The following LANCL1 variants were observed in gnomAD, a reference collection of about 807,000 sequenced individuals.
LANCL1 encodes the protein LanC like glutathione S-transferase 1, also known as glutathione S-transferase LANCL1.
In LANCL1, 50 loss-of-function variants were observed where a neutral mutation model predicts 50.6. The ratio of observed to expected loss-of-function variants is 0.99; its 90% CI spans 0.79 to 1.25. LANCL1 has a LOEUF of 1.25. Ranked by LOEUF, LANCL1 falls within the 50% of genes most tolerant of loss-of-function variation. The pLI is 0.00. For missense variants in LANCL1, 532 were observed against 480.7 expected (o/e 1.11, Z -1.00); for synonymous variants, 188 against 178.6 (o/e 1.05, Z -0.42).
intron 3 of LANCL1, among the ~76,000 whole-genome samples, chr2:210,455,810 G>A (rs376468560): frequency 7.9e-6 from 1 of 125,976 alleles, no homozygotes; most frequent in South Asian, 2.6e-4. Flanking sequence ...GTGTGTGTGT[G>A]TTTTTTTTTT....
chr2:210,439,291 C>T (rs1412817223), intron 6 of LANCL1, among the ~76,000 whole-genome samples: 1 of 152,168 alleles, frequency 6.6e-6, no homozygotes, highest in Non-Finnish European at 1.5e-5. Context: ...CTTACTACAG[C>T]TAACACAAGG....
At chr2:210,476,861 A>C (rs1201267818), upstream of LANCL1, 3 of 971,038 alleles carry the variant, frequency 3.1e-6, no homozygotes, top group Admixed American at 5.8e-5. Flanking sequence ...GTAATTTCTA[A>C]AGGATAACGC....
chr2:210,436,412 A>G lies in LANCL1; in HGVS notation c.874-20T>C, dbSNP rs569300256. On this transcript the variant is annotated intron_variant, in intron 7 of 9. Transcript: ENST00000450366. Reference sequence around the variant, plus strand: ...GAATACCTGCAGAGGCAAAGGACACATTTTATTATACGGGATATAAAAGAA... The same window carrying G: ...GAATACCTGCAGAGGCAAAGGACACGTTTTATTATACGGGATATAAAAGAA... 1.9e-6 allele frequency: 3 copies of G among 1,609,756 alleles called. No individual in the cohort carries two copies. The highest frequency in any genetic ancestry group is 1.7e-6 in the Non-Finnish European group (2 of 1,176,604).
intron 3 of LANCL1, among the ~76,000 whole-genome samples, chr2:210,463,729 G>C (rs966655958): frequency 1.3e-5 from 2 of 152,212 alleles, no homozygotes; most frequent in African/African-American, 4.8e-5. Flanking sequence ...GAGCATGAGA[G>C]AGACCAGAGG....
chr2:210,468,147 C>T (rs1694123724), intron 3 of LANCL1: 1 of 151,138 alleles, frequency 6.6e-6, no homozygotes, highest in African/African-American at 2.4e-5. Flanking sequence ...ATAATACTTA[C>T]TTTCTGTGGC....
intron 3 of LANCL1, among the ~76,000 whole-genome samples, chr2:210,465,532 A>G (rs1694026385): frequency 6.6e-6 from 1 of 152,250 alleles, no homozygotes; most frequent in South Asian, 2.1e-4. Context: ...TTACAGCAGC[A>G]GGCACAAAAA....
At chr2:210,463,581 T>C (rs1230035173) in intron 3 of LANCL1, among the ~76,000 whole-genome samples, 1 of 152,256 alleles carries the variant, frequency 6.6e-6, no homozygotes, top group Non-Finnish European at 1.5e-5. Context: ...AACTGCATAC[T>C]GATGATCTTT....
intron 3 of LANCL1, among the ~76,000 whole-genome samples, chr2:210,460,322 G>C (rs1313493734): frequency 2.0e-5 from 3 of 152,098 alleles, no homozygotes; most frequent in Admixed American, 6.5e-5. Flanking sequence ...GCTCACTGGA[G>C]GTGCTTAACT....
At chr2:210,468,553 T>A (rs1448996860) in intron 3 of LANCL1, 1 of 152,140 alleles carries the variant, frequency 6.6e-6, no homozygotes, top group Non-Finnish European at 1.5e-5. Flanking sequence ...CTAACAAGAG[T>A]GACTACGTGA....
chr2:210,435,564 C>T, intron 8 of LANCL1, 105 bp from the exon 9 acceptor site: 3 of 815,742 alleles, frequency 3.7e-6, no homozygotes, highest in South Asian at 1.4e-5. Context: ...CAAACACTAC[C>T]TTCACATCAG....
intron 4 of LANCL1, among the ~76,000 whole-genome samples, chr2:210,446,812 GA>G (rs1693348744): frequency 6.6e-6 from 1 of 151,812 alleles, no homozygotes; most frequent in Non-Finnish European, 1.5e-5. Flanking sequence ...AGAGAAAAAA[GA>G]ATAAAAAGGA....
intron 4 of LANCL1, among the ~76,000 whole-genome samples, chr2:210,444,836 C>T (rs896729046): frequency 1.3e-5 from 2 of 151,766 alleles, no homozygotes; most frequent in African/African-American, 4.8e-5. Flanking sequence ...TTTTCTACTT[C>T]GATACCATAT....
rs1265532000 is a variant in LANCL1, at chr2:210,455,249, G to C, written c.265C>G (p.His89Asp). ...FGDPAYLQLA[H>D]GYVKQSLNCL... is the part of the protein sequence containing the mutation. The stretch of plus-strand genomic sequence containing the variant: ...TTCAGACTTTGCTTTACATAGCCAT[G>C]TGCTAACTGTAGGTAGGCAGGGTCC... The change falls in exon 4 of 10, where the codon CAT (histidine) becomes GAT (aspartate). Residue 89 changes from histidine to aspartate, a missense_variant. Coordinates refer to ENST00000450366, the MANE Select transcript of LANCL1 (RefSeq NM_006055.3). The C allele has an allele frequency of 6.2e-7, 1 of 1,612,930 alleles. No homozygotes were observed. The highest frequency in any genetic ancestry group is 8.5e-7 in the Non-Finnish European group (1 of 1,179,726).
At chr2:210,440,129 T>C (rs543894456) in intron 6 of LANCL1, among the ~76,000 whole-genome samples, 5 of 152,234 alleles carry the variant, frequency 3.3e-5, no homozygotes, top group South Asian at 2.1e-4. Flanking sequence ...TTCAGGTAAG[T>C]AGAAGTCTCC....
chr2:210,456,284 T>A (rs533677612), intron 3 of LANCL1, among the ~76,000 whole-genome samples: 2 of 152,324 alleles, frequency 1.3e-5, no homozygotes, highest in Non-Finnish European at 2.9e-5. Context: ...ATAGAGCCAA[T>A]CTTCACGGAT....
rs1692837903 is a variant in LANCL1, at chr2:210,434,112, A to G, written c.*375T>C. Reference sequence around the variant, plus strand: ...AAGTGTAATACCCAATAATAGTCACATATTTATCTTTATCTGTATTGAGTT... The same window carrying G: ...AAGTGTAATACCCAATAATAGTCACGTATTTATCTTTATCTGTATTGAGTT... On this transcript the variant is annotated 3_prime_UTR_variant, in exon 10 of 10. Coordinates refer to ENST00000450366, the MANE Select transcript of LANCL1 (RefSeq NM_006055.3). 1 of 157,726 alleles carries G rather than the reference A, an allele frequency of 6.3e-6. No homozygotes were observed. 9.8% of individuals were successfully genotyped at this position (157,726 alleles called of 1,614,324 possible). A position where few individuals can be genotyped will look rare whatever the true frequency, so the allele number is the denominator to read the frequency against.
At chr2:210,469,172 T>C (rs565334103) in intron 3 of LANCL1, 44 of 152,334 alleles carry the variant, frequency 2.9e-4, no homozygotes, top group South Asian at 1.2e-3. Flanking sequence ...AAACATTGCT[T>C]TGACATACAA....
intron 2 of LANCL1, among the ~76,000 whole-genome samples, chr2:210,475,949 A>G (rs753295861): frequency 7.9e-5 from 12 of 152,228 alleles, no homozygotes; most frequent in Non-Finnish European, 1.8e-4. Flanking sequence ...GCACTTGTGT[A>G]TAATCACAAA....
Position 210,474,685 on chromosome 2 carries a change from C to T in LANCL1, c.81+1631G>A, listed in dbSNP as rs1292448058. Among the ~76,000 whole-genome samples, 4 of 151,834 alleles carry T rather than the reference C, an allele frequency of 2.6e-5. No homozygotes were observed. The East Asian group carries it at 7.8e-4, about 29-fold the overall frequency. ...AAGTTGCAGTGAGCCAAGACTGTGC[C>T]TCTGCACTCCAGCCTGGGCTCAGGG... On this transcript the variant is annotated intron_variant, in intron 2 of 9. Transcript: ENST00000450366.
Sources: gnomAD v4.1 joint callset for allele counts (sites outside exome capture counted in the v4.1 genomes callset) on GRCh38, gnomAD v4.1.1 for gene constraint, MANE v1.5 for transcripts, NCBI Gene and HGNC (gene_info 2026-07-23, HGNC 2026-07-21) for gene names.